The following DZIP1 variants were observed in gnomAD, a reference collection of about 807,000 sequenced individuals.
The protein encoded by DZIP1 is cilium assembly protein DZIP1.
In DZIP1, 97 loss-of-function variants were observed where a neutral mutation model predicts 107.6. The ratio of observed to expected loss-of-function variants is 0.90; its 90% CI spans 0.77 to 1.07. The LOEUF (loss-of-function observed/expected upper bound fraction) is 1.07, where lower values mean the gene tolerates loss of function less well. Ranked by LOEUF, DZIP1 falls within the 50% of genes least tolerant of loss-of-function variation. The pLI is 0.00. For synonymous variants in DZIP1, 390 were observed against 386.4 expected (o/e 1.01, Z -0.11); for missense variants, 1,035 against 1,063.6 (o/e 0.97, Z 0.37).
At chr13:95,626,571 G>C (rs1876564449) in intron 7 of DZIP1, among the ~76,000 whole-genome samples, 1 of 152,034 alleles carries the variant, frequency 6.6e-6, no homozygotes, top group Admixed American at 6.6e-5. Context: ...AAAAGGAAAA[G>C]TCCCAGACCA....
chr13:95,586,062 C>T lies in DZIP1; in HGVS notation c.2293G>A (p.Gly765Ser), dbSNP rs767605428. ...PHRKNVNKPV[G>S]GTNVPEMFIK... is the part of the protein sequence containing the mutation. ...AACATCTCAGGGACATTAGTTCCAC[C>T]GACTGGTTTGTTCACATTTTTGCGA... Residue 765 changes from glycine to serine, a missense_variant, in exon 21 of 23, where the codon GGT becomes AGT. Gly to Ser is a moderately conservative substitution (Grantham distance 56). Coordinates refer to ENST00000376829, the MANE Select transcript of DZIP1 (RefSeq NM_198968.4). 1.7e-5 allele frequency: 28 copies of T among 1,609,984 alleles called. No individual in the cohort carries two copies. Among genetic ancestry groups the T allele is most frequent in the Admixed American group, 3.4e-5 (2 of 59,270 alleles).
chr13:95,606,045 G>C lies in DZIP1; in HGVS notation c.1435C>G (p.Leu479Val). 6.2e-7 allele frequency: 1 copy of C among 1,613,958 alleles called. No individual in the cohort carries two copies. Among genetic ancestry groups the C allele is most frequent in the African/African-American group, 1.3e-5 (1 of 75,020 alleles). Residue 479 changes from leucine (L) to valine (V), a missense_variant, in exon 14 of 23, where the codon CTG (leucine) becomes GTG (valine). Physicochemically the swap from Leu to Val is conservative, Grantham distance 32 (BLOSUM62 1). Coordinates refer to ENST00000376829, the MANE Select transcript of DZIP1 (RefSeq NM_198968.4). The part of the protein sequence containing the change: ...APAVPMNAPA[L>V]HTLETKSSLP... ...CTTGATTTAGTTTCCAAAGTGTGCAGGGCTGGGGCATTCACTGAAACAGCA... is the reference window on the plus strand; with the variant it reads ...CTTGATTTAGTTTCCAAAGTGTGCACGGCTGGGGCATTCACTGAAACAGCA...
At position 95,580,621 on chromosome 13, in the gene DZIP1, C is replaced by T. The variant is rs894191506; in HGVS notation, c.*1613G>A. 12 of 152,104 alleles carry T rather than the reference C, an allele frequency of 7.9e-5. No individual in the cohort carries two copies. Among genetic ancestry groups the T allele is most frequent in the African/African-American group, 2.4e-4 (10 of 41,412 alleles). The allele number at this position is 152,104 out of a possible 1,614,324, so 9.4% of individuals were successfully genotyped here. On this transcript the variant is annotated 3_prime_UTR_variant, in exon 23 of 23. Transcript: ENST00000376829. ...ATGAGGATTATAACAATAACTACAT[C>T]GCAAAGTTGTTGTAATTAAATGAAT...
rs774031225 is a variant in DZIP1 at position 95,589,938 on chromosome 13, A to G, written c.1844-6T>C. 6.2e-7 allele frequency: 1 copy of G among 1,612,544 alleles called. No homozygotes were observed. Among genetic ancestry groups the G allele is most frequent in the East Asian group, 2.2e-5 (1 of 44,864 alleles). ...TTGAGAAACACTGCACTGATCTGGA[A>G]TATAGTGTCATTCATGAGTCTCCAT... On this transcript the variant is annotated splice_polypyrimidine_tract_variant and splice_region_variant and intron_variant, in intron 17 of 22. Transcript: ENST00000376829.
At chr13:95,640,079 G>A (rs1280732845) in intron 5 of DZIP1, among the ~76,000 whole-genome samples, 2 of 150,916 alleles carry the variant, frequency 1.3e-5, no homozygotes, top group Non-Finnish European at 2.9e-5. Context: ...TGCAACCTCC[G>A]CCTCCTGGGT....
chr13:95,606,040 G>A lies in DZIP1; in HGVS notation c.1440C>T (p.His480=), dbSNP rs775454065. ...GCAGACTTGATTTAGTTTCCAAAGT[G>A]TGCAGGGCTGGGGCATTCACTGAAA... ...PAVPMNAPAL[H]TLETKSSLPM... The change falls in exon 14 of 23, where the codon CAC becomes CAT. Residue 480 remains histidine (H), a synonymous_variant. Transcript: ENST00000376829. The A allele has an allele frequency of 3.1e-6, 5 of 1,613,986 alleles. No individual in the cohort carries two copies. Among genetic ancestry groups the A allele is most frequent in the Non-Finnish European group, 4.2e-6 (5 of 1,179,932 alleles).
chr13:95,642,195 A>G lies in DZIP1; in HGVS notation c.-166T>C. The G allele has an allele frequency of 1.1e-6, 1 of 884,954 alleles. No individual in the cohort carries two copies. The highest frequency in any genetic ancestry group is 1.6e-6 in the Non-Finnish European group (1 of 621,226). The allele number at this position is 884,954 out of a possible 1,614,324, so 54.8% of individuals were successfully genotyped here. A position where few individuals can be genotyped will look rare whatever the true frequency, so the allele number is the denominator to read the frequency against. Reference sequence around the variant, plus strand: ...TAGCAGCGCCCAGGTCCGGACCTGGAGCAAAGGGCGCGTCTGCCCGCGCAG... The same window carrying G: ...TAGCAGCGCCCAGGTCCGGACCTGGGGCAAAGGGCGCGTCTGCCCGCGCAG... On this transcript the variant is annotated 5_prime_UTR_variant, in exon 4 of 23. Transcript: ENST00000376829.
intron 22 of DZIP1, among the ~76,000 whole-genome samples, chr13:95,582,908 C>T (rs1304883884): frequency 6.6e-6 from 1 of 152,096 alleles, no homozygotes; most frequent in African/African-American, 2.4e-5. Context: ...ATCCTCTTGG[C>T]CCTGTAAAGA....
chr13:95,612,046 C>T lies in DZIP1; in HGVS notation c.1305G>A (p.Gln435=), dbSNP rs758402128. ...CTGCCGCCAGACATACCTGCTGTCT[C>T]TGAGTTATAATCAGCTCATTCTGCT... ...LQEQNELIIT[Q]RQQIKDFTCN... is the part of the protein sequence containing the mutation. Residue 435 remains glutamine (Q), a synonymous_variant, in exon 11 of 23, where the codon CAG becomes CAA. Coordinates refer to ENST00000376829, the MANE Select transcript of DZIP1 (RefSeq NM_198968.4). 4 of 1,613,438 alleles carry T rather than the reference C, an allele frequency of 2.5e-6. No individual in the cohort carries two copies. In the East Asian group the frequency reaches 8.9e-5, roughly 36 times the overall value.
At chr13:95,635,868 T>C in intron 5 of DZIP1, among the ~76,000 whole-genome samples, 1 of 149,218 alleles carries the variant, frequency 6.7e-6, no homozygotes, top group Non-Finnish European at 1.5e-5. Context: ...AAATGCACAG[T>C]GATGATGGAG....
In DZIP1 at chr13:95,638,423, G is replaced by C. The variant is rs115574883; in HGVS notation, c.597+2872C>G. On this transcript the variant is annotated intron_variant, in intron 5 of 22. Transcript: ENST00000376829. ...GTTAAATCTAAGAGGTGGGTATATG[G>C]TATGTCTTACATTAGTCTATGCACT... Among the ~76,000 whole-genome samples, 1,398 of 152,006 alleles carry C rather than the reference G, an allele frequency of 9.2e-3. 22 individuals carry two copies. The highest frequency in any genetic ancestry group is 0.032 in the African/African-American group (1,336 of 41,456).
chr13:95,625,054 G>C, intron 7 of DZIP1, 125 bp from the exon 8 acceptor site: 4 of 830,280 alleles, frequency 4.8e-6, no homozygotes, highest in Non-Finnish European at 7.3e-6. Flanking sequence ...AGTGAGGCTT[G>C]TAACAACATT....
chr13:95,615,953 A>G (rs1239295380), intron 10 of DZIP1, among the ~76,000 whole-genome samples: 1 of 152,226 alleles, frequency 6.6e-6, no homozygotes, highest in African/African-American at 2.4e-5. Context: ...GTGCTGGTTA[A>G]ATCAGCTTTC....
chr13:95,588,778 C>T (rs1333991372), intron 19 of DZIP1, among the ~76,000 whole-genome samples: 1 of 152,160 alleles, frequency 6.6e-6, no homozygotes, highest in Non-Finnish European at 1.5e-5. Flanking sequence ...CCACAAAAAA[C>T]TGGAAACACT....
intron 19 of DZIP1, among the ~76,000 whole-genome samples, chr13:95,588,467 C>T (rs2044223411): frequency 6.6e-6 from 1 of 152,190 alleles, no homozygotes; most frequent in African/African-American, 2.4e-5. Context: ...TAGTCTTACT[C>T]ATAATTAGTA....
At chr13:95,609,399 T>C (rs997271985) in intron 13 of DZIP1, 58 bp downstream of exon 13, 1 of 1,166,986 alleles carries the variant, frequency 8.6e-7, no homozygotes, top group Non-Finnish European at 1.2e-6. Flanking sequence ...AAAAGTTATG[T>C]TTTGGTTTAG....
chr13:95,624,159 T>G (rs1244179794), intron 8 of DZIP1, among the ~76,000 whole-genome samples: 1 of 152,164 alleles, frequency 6.6e-6, no homozygotes, highest in Non-Finnish European at 1.5e-5. Flanking sequence ...TCAGCTCCCT[T>G]CCTTTCTCCG....
chr13:95,638,644 C>CACACAT (rs1878111031), intron 5 of DZIP1, among the ~76,000 whole-genome samples: 1 of 151,626 alleles, frequency 6.6e-6, no homozygotes, highest in Non-Finnish European at 1.5e-5. Flanking sequence ...ACAACACACA[C>CACACAT]ACACACACAC....
In DZIP1 at chr13:95,619,888, A is replaced by G. The variant is rs1320654467; in HGVS notation, c.1170T>C (p.Gly390=). The G allele has an allele frequency of 6.2e-7, 1 of 1,613,528 alleles. No individual in the cohort carries two copies. Among genetic ancestry groups the G allele is most frequent in the Admixed American group, 1.7e-5 (1 of 59,984 alleles). ...AIHQEHKKEK[G]RLLSHIEKLR... ...GCCACTGGTTTCTTAACCTTACCCG[A>G]CCCTTCTCTTTCTTGTGTTCTTGAT... Residue 390 remains glycine (G), a synonymous_variant, in exon 10 of 23, where the codon GGT becomes GGC. Coordinates refer to ENST00000376829, the MANE Select transcript of DZIP1 (RefSeq NM_198968.4).
Sources: gnomAD v4.1 joint callset for allele counts (sites outside exome capture counted in the v4.1 genomes callset) on GRCh38, gnomAD v4.1.1 for gene constraint, MANE v1.5 for transcripts, NCBI Gene and HGNC (gene_info 2026-07-23, HGNC 2026-07-21) for gene names.